CPXM2: variants seen among roughly 807,000 people sequenced by gnomAD.
The protein encoded by CPXM2 is carboxypeptidase X, M14 family member 2.
Under a neutral mutation model 86.1 loss-of-function variants are expected in CPXM2, and 66 were observed. That is an observed-to-expected ratio of 0.77 (90% CI 0.63 to 0.94). The LOEUF (loss-of-function observed/expected upper bound fraction) is 0.94. Ranked by LOEUF, CPXM2 falls within the 40% of genes least tolerant of loss-of-function variation. The pLI, the probability that CPXM2 is intolerant of heterozygous loss-of-function variation, is 0.00. For missense variants in CPXM2, 948 were observed against 1,026.3 expected, an observed-to-expected ratio of 0.92 and a Z score of 1.04; for synonymous variants, 388 against 400.2, an observed-to-expected ratio of 0.97 and a Z score of 0.36.
intron 2 of CPXM2, among the ~76,000 whole-genome samples, chr10:123,912,551 G>C (rs1253314032): frequency 6.6e-6 from 1 of 152,232 alleles, no homozygotes; most frequent in African/African-American, 2.4e-5. Flanking sequence ...GGGGCTGGTG[G>C]CCAGGGCTTG....
At chr10:123,902,025 C>A (rs1945387087) in intron 2 of CPXM2, among the ~76,000 whole-genome samples, 1 of 152,204 alleles carries the variant, frequency 6.6e-6, no homozygotes, top group Admixed American at 6.5e-5. Context: ...ACTGAAGTAA[C>A]CACTGTCGCA....
rs143480099 is a variant in CPXM2, at chr10:123,786,673, T to C, written c.890-6418A>G. Among the ~76,000 whole-genome samples, 10 of 152,274 alleles carry C rather than the reference T, an allele frequency of 6.6e-5. No homozygotes were observed. The East Asian group carries it at 1.9e-3, about 29-fold the overall frequency. The stretch of plus-strand genomic sequence containing the variant: ...ACGGGACACATCTCATTATACCCCA[T>C]TCCTTACTGCCAGTCATTTGGCTTT... On this transcript the variant is annotated intron_variant, in intron 6 of 13. Transcript: ENST00000241305.
chr10:123,869,077 C>T (rs756696130), intron 2 of CPXM2, among the ~76,000 whole-genome samples: 1 of 152,072 alleles, frequency 6.6e-6, no homozygotes, highest in Non-Finnish European at 1.5e-5. Context: ...GGTTTCAAAG[C>T]TTAATTTAAA....
In CPXM2 at chr10:123,746,643, CT is replaced by C; in HGVS notation, c.*120del. On this transcript the variant is annotated 3_prime_UTR_variant, in exon 14 of 14. Transcript: ENST00000241305. ...TTTGGGACCTGCCTCACAATGCACC[CT>C]CTCTTCCAGGCACTTCTTGAATTAC... 1.0e-6 allele frequency: 1 copy of C among 971,542 alleles called. No homozygotes were observed. The allele number at this position is 971,542 out of a possible 1,614,324, so 60.2% of individuals were successfully genotyped here. A position where few individuals can be genotyped will look rare whatever the true frequency, so the allele number is the denominator to read the frequency against.
Position 123,902,247 on chromosome 10 carries a change from G to A in CPXM2, n.175-21938C>T, listed in dbSNP as rs78388183. Among the ~76,000 whole-genome samples, 596 of 152,298 alleles carry A rather than the reference G, an allele frequency of 3.9e-3. 1 individual carries two copies. The highest frequency in any genetic ancestry group is 0.013 in the African/African-American group (533 of 41,554). ...CAGCTCACAGGCAGGTTACCCAGGG[G>A]AGTAATCTGACATGGGCCTGAGCGC... On this transcript the variant is annotated intron_variant and non_coding_transcript_variant, in intron 2 of 19. Coordinates refer to the CPXM2 transcript ENST00000368854.
intron 2 of CPXM2, among the ~76,000 whole-genome samples, chr10:123,909,636 A>C (rs1474544000): frequency 6.6e-6 from 1 of 152,220 alleles, no homozygotes; most frequent in Non-Finnish European, 1.5e-5. Flanking sequence ...ACACTTCTCC[A>C]AATGCAGAAG....
Position 123,865,268 on chromosome 10 carries a change from C to T in CPXM2, c.404-2545G>A, listed in dbSNP as rs983013676. ...AGAGCCATTAATTTTGGTTTGGAAG[C>T]CTTCTCCATTGCCCGTGCCACTTAC... On this transcript the variant is annotated intron_variant, in intron 2 of 13. Coordinates refer to ENST00000241305, the MANE Select transcript of CPXM2 (RefSeq NM_198148.3). This position sits in a 1 kb window ranked among gnomAD's most constrained non-coding sequence, Gnocchi z 4.7. Among the ~76,000 whole-genome samples, 3 of 152,200 alleles carry T rather than the reference C, an allele frequency of 2.0e-5. No individual in the cohort carries two copies. Among genetic ancestry groups the T allele is most frequent in the African/African-American group, 7.2e-5 (3 of 41,450 alleles).
intron 4 of CPXM2, among the ~76,000 whole-genome samples, chr10:123,835,823 T>A (rs1037491364): frequency 6.6e-6 from 1 of 152,146 alleles, no homozygotes; most frequent in Non-Finnish European, 1.5e-5. Context: ...CCAGGTCCCT[T>A]GGGAGGAACA....
intron 3 of CPXM2, among the ~76,000 whole-genome samples, chr10:123,852,516 A>C (rs1848624245): frequency 6.6e-6 from 1 of 152,060 alleles, no homozygotes; most frequent in Non-Finnish European, 1.5e-5. Context: ...TGCTCCCCAA[A>C]AGTCAACACA....
At chr10:123,834,811 T>C (rs1848246662) in intron 4 of CPXM2, among the ~76,000 whole-genome samples, 1 of 152,000 alleles carries the variant, frequency 6.6e-6, no homozygotes, top group Non-Finnish European at 1.5e-5. Context: ...TTGGTGGGGG[T>C]GCAGGGGGTG....
intron 2 of CPXM2, among the ~76,000 whole-genome samples, chr10:123,876,273 G>C (rs1219819301): frequency 2.0e-5 from 3 of 152,096 alleles, no homozygotes; most frequent in Admixed American, 6.6e-5. Flanking sequence ...CCACAATATG[G>C]GTACTCAACA....
chr10:123,767,072 G>T lies in CPXM2; in HGVS notation c.1380C>A (p.Asn460Lys), dbSNP rs1457397300. ...IDINNNFPDL[N>K]TLLWEAEDRQ... is the part of the protein sequence containing the mutation. ...GATCCTCTGCCTCCCAGAGCAGCGT[G>T]TTTAAATCAGGAAAGTTGTTGTTGA... is the stretch of plus-strand genomic sequence containing the variant. The change falls in exon 10 of 14, where the codon AAC (asparagine) becomes AAA (lysine). Residue 460 changes from asparagine to lysine, a missense_variant. Transcript: ENST00000241305. The T allele has an allele frequency of 6.2e-7, 1 of 1,614,166 alleles. No individual in the cohort carries two copies. The highest frequency in any genetic ancestry group is 8.5e-7 in the Non-Finnish European group (1 of 1,180,016).
intron 3 of CPXM2, among the ~76,000 whole-genome samples, chr10:123,852,805 C>T (rs1406495895): frequency 6.6e-6 from 1 of 152,162 alleles, no homozygotes; most frequent in Non-Finnish European, 1.5e-5. Context: ...CCCATTGATC[C>T]CCTTCTTGAA....
chr10:123,894,554 G>A (rs950810521), upstream of CPXM2, among the ~76,000 whole-genome samples: 3 of 152,328 alleles, frequency 2.0e-5, no homozygotes, highest in African/African-American at 7.2e-5. Flanking sequence ...CTGGAAAGGT[G>A]CAAGGCACAG....
chr10:123,764,512 G>T (rs141430843), intron 10 of CPXM2, among the ~76,000 whole-genome samples: 7,008 of 151,490 alleles, frequency 0.046, 204 homozygotes, highest in South Asian at 0.11. Context: ...TTTGAGACAG[G>T]GTCTCACTCT....
intron 2 of CPXM2, among the ~76,000 whole-genome samples, chr10:123,870,901 C>A (rs1027250118): frequency 6.6e-6 from 1 of 152,194 alleles, no homozygotes; most frequent in Non-Finnish European, 1.5e-5. Flanking sequence ...TCTGAGACAA[C>A]CAGTCTCAGA....
chr10:123,792,168 C>A (rs1456055555), intron 6 of CPXM2, among the ~76,000 whole-genome samples: 1 of 152,190 alleles, frequency 6.6e-6, no homozygotes, highest in Non-Finnish European at 1.5e-5. Flanking sequence ...CATCCACTCA[C>A]CACCTATGGG....
intron 6 of CPXM2, among the ~76,000 whole-genome samples, chr10:123,786,376 A>G (rs1847055790): frequency 6.6e-6 from 1 of 152,114 alleles, no homozygotes; most frequent in South Asian, 2.1e-4. Context: ...TATGTGAGAG[A>G]GAGAATGAGA....
intron 2 of CPXM2, among the ~76,000 whole-genome samples, chr10:123,927,897 C>A (rs992767023): frequency 6.6e-6 from 1 of 152,176 alleles, no homozygotes; most frequent in Admixed American, 6.5e-5. Context: ...CTCCAGGAAC[C>A]CCCCAGTGTT....
Sources: gnomAD v4.1 joint callset for allele counts (sites outside exome capture counted in the v4.1 genomes callset) on GRCh38, gnomAD v4.1.1 for gene constraint, Gnocchi (gnomAD v3.1) non-coding constraint, MANE v1.5 for transcripts, NCBI Gene and HGNC (gene_info 2026-07-23, HGNC 2026-07-21) for gene names.